TENM1: variants seen among roughly 807,000 people sequenced by gnomAD.
TENM1 encodes teneurin-1.
A neutral mutation model predicts 174.8 loss-of-function variants in TENM1; 35 were observed. The ratio of observed to expected loss-of-function variants is 0.20; its 90% confidence interval spans 0.15 to 0.27. TENM1 has a LOEUF of 0.27. Ranked by LOEUF, TENM1 falls within the 10% of genes least tolerant of loss-of-function variation. TENM1 has a pLI of 1.00. For missense variants in TENM1, 1,633 were observed against 2,130.1 expected, an observed-to-expected ratio of 0.77 and a Z score of 4.59; for synonymous variants, 781 against 798.7, an observed-to-expected ratio of 0.98 and a Z score of 0.37.
chrX:124,502,506 C>T (rs1602551513), intron 19 of TENM1, among the ~76,000 whole-genome samples: 1 of 112,555 alleles, frequency 8.9e-6, no homozygotes, highest in Admixed American at 9.4e-5. Context: ...GAAACGGCTG[C>T]TTAAAATGTC....
intron 24 of TENM1, 92 bp downstream of exon 27, chrX:124,422,180 T>C (rs2060660560): frequency 2.8e-6 from 3 of 1,080,541 alleles, no homozygotes; most frequent in Non-Finnish European, 3.7e-6. Flanking sequence ...CAAGTAACAC[T>C]TTGCTTTTCC....
chrX:124,487,387 C>T (rs1047061577), intron 20 of TENM1, among the ~76,000 whole-genome samples, 158 bp from the exon 24 acceptor site: 4 of 112,124 alleles, frequency 3.6e-5, no homozygotes. Flanking sequence ...GCGTGCAAGC[C>T]AAAGTTGATC....
the TENM1 span, among the ~76,000 whole-genome samples, chrX:125,027,417 C>A: frequency 9.0e-6 from 1 of 110,650 alleles, no homozygotes; most frequent in Non-Finnish European, 1.9e-5. Flanking sequence ...AAGATTTGAA[C>A]GAAAGGAGAG....
At chrX:124,497,967 A>T (rs1161459396) in intron 19 of TENM1, among the ~76,000 whole-genome samples, 3 of 111,398 alleles carry the variant, frequency 2.7e-5, no homozygotes, top group African/African-American at 6.5e-5. Context: ...ACTTTCTCCC[A>T]TCCAGAGTTC....
At chrX:125,088,446 CAA>C in the TENM1 span, among the ~76,000 whole-genome samples, 1 of 110,839 alleles carries the variant, frequency 9.0e-6, no homozygotes, top group African/African-American at 3.3e-5. Context: ...TTCATTGTGA[CAA>C]ATATATCAAA....
At chrX:124,380,714 T>C (rs755186258) in exon 32 of TENM1, 1 of 1,209,927 alleles carries the variant, frequency 8.3e-7, no homozygotes, top group African/African-American at 1.7e-5. Flanking sequence ...TTCCCCCTCT[T>C]GCAGCCTTCT....
At chrX:124,806,657 C>T (rs1398743532) in intron 3 of TENM1, among the ~76,000 whole-genome samples, 1 of 112,296 alleles carries the variant, frequency 8.9e-6, no homozygotes, top group African/African-American at 3.2e-5. Context: ...TCCACTTTTG[C>T]ATTGCTATAA....
chrX:124,610,646 T>C (rs900758340), intron 11 of TENM1, among the ~76,000 whole-genome samples: 3 of 110,922 alleles, frequency 2.7e-5, no homozygotes, highest in Non-Finnish European at 5.7e-5. Flanking sequence ...GTATAAACAG[T>C]GGCCTGAATA....
At chrX:125,141,843 C>T in the TENM1 span, among the ~76,000 whole-genome samples, 1 of 110,503 alleles carries the variant, frequency 9.0e-6, no homozygotes, top group Non-Finnish European at 1.9e-5. Context: ...GGAAATATAG[C>T]ACAGGACTGG....
chrX:124,680,008 G>A (rs199717420), intron 5 of TENM1, among the ~76,000 whole-genome samples: 5 of 111,114 alleles, frequency 4.5e-5, no homozygotes, highest in Middle Eastern at 4.7e-3. Flanking sequence ...CTGTTGTGTC[G>A]TATATAGGTA....
intron 11 of TENM1, 145 bp downstream of exon 14, chrX:124,641,646 A>T: frequency 2.0e-6 from 1 of 508,757 alleles, no homozygotes; most frequent in Non-Finnish European, 3.4e-6. Context: ...ATAAAAATGC[A>T]GTAAAATACT....
At chrX:124,921,562 T>C (rs148569510) in intron 1 of TENM1, among the ~76,000 whole-genome samples, 1,381 of 111,850 alleles carry the variant, frequency 0.012, 15 homozygotes, top group African/African-American at 0.042. Flanking sequence ...ATTTAACTAA[T>C]GCCCTATTGC....
intron 1 of TENM1, among the ~76,000 whole-genome samples, chrX:124,946,927 G>GAAA (rs377225365): frequency 0.017 from 1,321 of 78,039 alleles, 32 homozygotes; most frequent in African/African-American, 0.054. Flanking sequence ...CTGTAAAACT[G>GAAA]AAAAAAAAAA....
chrX:124,471,455 TAATACTA>T (rs1428809011), intron 22 of TENM1, among the ~76,000 whole-genome samples: 1 of 36,757 alleles, frequency 2.7e-5, no homozygotes, highest in Admixed American at 5.0e-4. Flanking sequence ...GTACTATATA[TAATACTA>T]TATATAATAT....
At chrX:125,089,388 A>T in the TENM1 span, among the ~76,000 whole-genome samples, 1 of 111,743 alleles carries the variant, frequency 8.9e-6, no homozygotes, top group Non-Finnish European at 1.9e-5. Context: ...ATTCCAAAAA[A>T]CTGCTTAAAA....
At chrX:124,958,947 C>G (rs1684580620) in intron 1 of TENM1, among the ~76,000 whole-genome samples, 1 of 110,773 alleles carries the variant, frequency 9.0e-6, no homozygotes, top group Admixed American at 9.7e-5. Context: ...AACTAGTAAA[C>G]TTAAAAGGCA....
At chrX:124,641,521 G>A (rs2051017319) in intron 11 of TENM1, among the ~76,000 whole-genome samples, 1 of 111,532 alleles carries the variant, frequency 9.0e-6, no homozygotes, top group East Asian at 2.8e-4. Context: ...ACTGACAGTA[G>A]GAGACTTGGG....
At chrX:125,145,963 T>C in the TENM1 span, among the ~76,000 whole-genome samples, 2 of 112,001 alleles carry the variant, frequency 1.8e-5, no homozygotes, top group African/African-American at 6.5e-5. Flanking sequence ...ATCAACAGAA[T>C]TTTACTAGGC....
At chrX:124,663,529 C>T (rs2051664107) in intron 6 of TENM1, among the ~76,000 whole-genome samples, 1 of 112,214 alleles carries the variant, frequency 8.9e-6, no homozygotes, top group African/African-American at 3.2e-5. Context: ...TAAATATACA[C>T]ATGGCTGATA....
Sources: gnomAD v4.1 joint callset for allele counts (sites outside exome capture counted in the v4.1 genomes callset) on GRCh38, gnomAD v4.1.1 for gene constraint, MANE v1.5 for transcripts, NCBI Gene and HGNC (gene_info 2026-07-23, HGNC 2026-07-21) for gene names.